PIGN: variants seen among roughly 807,000 people sequenced by gnomAD.
PIGN encodes the protein GPI ethanolamine phosphate transferase 1.
In PIGN, 117 loss-of-function variants were observed where a neutral mutation model predicts 125.4. The observed-to-expected ratio is 0.93, with a 90% confidence interval of 0.80 to 1.09. The LOEUF (loss-of-function observed/expected upper bound fraction) is 1.09. PIGN is among the 50% of genes least tolerant of loss of function. The pLI is 0.00. For missense variants in PIGN, 1,075 were observed against 1,094.9 expected (o/e 0.98, Z 0.26); for synonymous variants, 392 against 377.8 (o/e 1.04, Z -0.44).
At chr18:62,177,963 C>T (rs2037583866) in intron 1 of PIGN, among the ~76,000 whole-genome samples, 1 of 152,078 alleles carries the variant, frequency 6.6e-6, no homozygotes, top group South Asian at 2.1e-4. Flanking sequence ...ACAGATCTTC[C>T]AAAGGTAGAA....
chr18:62,114,636 C>T lies in PIGN; in HGVS notation c.1176G>A (p.Leu392=). 6.9e-7 allele frequency: 1 copy of T among 1,440,300 alleles called. No individual in the cohort carries two copies. Among genetic ancestry groups the T allele is most frequent in the Non-Finnish European group, 9.5e-7 (1 of 1,050,100 alleles). The allele number at this position is 1,440,300 out of a possible 1,614,324, so 89.2% of individuals were successfully genotyped here. The change falls in exon 15 of 31, where the codon CTG becomes CTA. Residue 392 remains leucine, a synonymous_variant. Transcript: ENST00000640252. The stretch of plus-strand genomic sequence containing the variant: ...TGTTGAACTGTTTGGAATCAGAAAG[C>T]AGTCTATATATAAAAAAAAGAATAG... The part of the protein sequence containing the change: ...TLPFLFTPFK[L]LSDSKQFNIL...
chr18:62,132,852 C>A (rs554875467), intron 14 of PIGN, among the ~76,000 whole-genome samples: 1 of 146,140 alleles, frequency 6.8e-6, no homozygotes, highest in South Asian at 2.1e-4. Context: ...CAAGAGCTAG[C>A]CTTATTTTTT....
Position 62,045,648 on chromosome 18 carries a change from T to C in PIGN, c.*208A>G. The stretch of plus-strand genomic sequence containing the variant: ...GCCTTCCTATGCTTTTCCACAGATA[T>C]AATCACTATTTCATGCCTGCAAAAC... On this transcript the variant is annotated 3_prime_UTR_variant, in exon 31 of 31. Coordinates refer to ENST00000640252, the MANE Select transcript of PIGN (RefSeq NM_176787.5). 2 of 452,196 alleles carry C rather than the reference T, an allele frequency of 4.4e-6. No homozygotes were observed. Among genetic ancestry groups the C allele is most frequent in the East Asian group, 3.8e-5 (1 of 26,634 alleles). 28.0% of individuals were successfully genotyped at this position (452,196 alleles called of 1,614,324 possible).
intron 2 of PIGN, 27 bp from the exon 3 acceptor site, chr18:62,162,356 T>G (rs2036984200): frequency 6.6e-6 from 1 of 151,838 alleles, no homozygotes; most frequent in South Asian, 2.1e-4. Context: ...AAAAAAAAAG[T>G]ATTGGAACTT....
At chr18:62,096,516 C>CT (rs398033140) in intron 22 of PIGN, among the ~76,000 whole-genome samples, 2,697 of 85,568 alleles carry the variant, frequency 0.032, 348 homozygotes, top group African/African-American at 0.084. Flanking sequence ...GAATTATTTT[C>CT]TTTTTTTTTT....
chr18:62,055,890 C>T (rs2031680554), intron 30 of PIGN, among the ~76,000 whole-genome samples: 1 of 151,376 alleles, frequency 6.6e-6, no homozygotes, highest in African/African-American at 2.4e-5. Context: ...TCTAACGTCT[C>T]ATGCAAGGTC....
Position 62,137,371 on chromosome 18 carries a change from G to A in PIGN, c.1172+872C>T, listed in dbSNP as rs188801822. The A allele has an allele frequency of 2.4e-4, 87 of 361,870 alleles. 1 individual carries two copies. The highest frequency in any genetic ancestry group is 1.4e-4 in the South Asian group (1 of 7,164). The allele number at this position is 361,870 out of a possible 1,614,324, so 22.4% of individuals were successfully genotyped here. Reference sequence around the variant, plus strand: ...CTTCTTTACTCCTCATATTGCAGACGGTCTATTCTGGGACGTCACCTTGTG... The same window carrying A: ...CTTCTTTACTCCTCATATTGCAGACAGTCTATTCTGGGACGTCACCTTGTG... On this transcript the variant is annotated intron_variant, in intron 14 of 30. Coordinates refer to ENST00000640252, the MANE Select transcript of PIGN (RefSeq NM_176787.5).
rs79696414 is a variant in PIGN at position 62,044,530 on chromosome 18, T to C, written c.*1326A>G. 48 of 152,352 alleles carry C rather than the reference T, an allele frequency of 3.2e-4. No homozygotes were observed. The East Asian group carries it at 7.7e-3, about 24-fold the overall frequency. The allele number at this position is 152,352 out of a possible 1,614,324, so 9.4% of individuals were successfully genotyped here. On this transcript the variant is annotated 3_prime_UTR_variant, in exon 31 of 31. Transcript: ENST00000640252. ...CTTTTTTATACTACAGTTCTTTCAC[T>C]GGTATACCATAAAGTAGTATTACAA...
At chr18:62,039,660 G>A (rs56137324), downstream of PIGN, among the ~76,000 whole-genome samples, 29,880 of 96,630 alleles carry the variant, frequency 0.31, 7,928 homozygotes, top group East Asian at 0.58. Flanking sequence ...TCAGGGTGCC[G>A]CACCCCATGT....
intron 10 of PIGN, among the ~76,000 whole-genome samples, chr18:62,144,771 AATGCATTTTGCCTCCTTTGCCAAAT>A (rs1382099613): frequency 6.6e-6 from 1 of 152,234 alleles, no homozygotes; most frequent in Non-Finnish European, 1.5e-5. Context: ...ATTTAAAACC[AATGCATTTTGCCTCCTTTGCCAAAT>A]ATCTTAATAA....
At chr18:62,058,850 C>T (rs1216897705) in intron 30 of PIGN, 1 of 152,030 alleles carries the variant, frequency 6.6e-6, no homozygotes, top group Non-Finnish European at 1.5e-5. Context: ...GTTTCTGAGG[C>T]CTCAGAAGAC....
At chr18:62,145,658 T>G (rs1383958976) in intron 10 of PIGN, among the ~76,000 whole-genome samples, 13 of 152,128 alleles carry the variant, frequency 8.5e-5, no homozygotes, top group Non-Finnish European at 1.8e-4. Flanking sequence ...ACATCAAAAG[T>G]TCAGTTTATC....
chr18:62,158,013 T>C (rs1247118828), intron 4 of PIGN: 3 of 489,914 alleles, frequency 6.1e-6, no homozygotes, highest in Non-Finnish European at 1.1e-5. Context: ...TTTGCTGATG[T>C]AAGACCAAAC....
intron 30 of PIGN, among the ~76,000 whole-genome samples, chr18:62,050,839 G>T (rs1599397692): frequency 6.6e-6 from 1 of 151,330 alleles, no homozygotes; most frequent in Admixed American, 6.6e-5. Context: ...CTGTGGGTTT[G>T]TCATAGATAG....
rs773257278 is a variant in PIGN at position 62,101,055 on chromosome 18, T to C, written c.2077+20A>G. ...TAAGTTGATGTCAAATTACCTCACC[T>C]GGTTTGAGTGGCCTCTTACCTAATG... On this transcript the variant is annotated intron_variant, in intron 22 of 30. Coordinates refer to ENST00000640252, the MANE Select transcript of PIGN (RefSeq NM_176787.5). 7 of 1,290,886 alleles carry C rather than the reference T, an allele frequency of 5.4e-6. No homozygotes were observed. The highest frequency in any genetic ancestry group is 2.9e-5 in the African/African-American group (2 of 69,152). 80.0% of individuals were successfully genotyped at this position (1,290,886 alleles called of 1,614,324 possible). A position where few individuals can be genotyped will look rare whatever the true frequency, so the allele number is the denominator to read the frequency against.
At chr18:62,026,866 G>A (rs867418125) in intron 23 of PIGN, among the ~76,000 whole-genome samples, 7 of 152,326 alleles carry the variant, frequency 4.6e-5, no homozygotes, top group African/African-American at 1.4e-4. Context: ...AATCAGTGTG[G>A]CCTGAGAAGG....
chr18:62,050,529 G>T (rs1468055007), intron 30 of PIGN, among the ~76,000 whole-genome samples: 1 of 151,128 alleles, frequency 6.6e-6, no homozygotes, highest in African/African-American at 2.4e-5. Context: ...AAGAATGCTT[G>T]TGATTTTTGT....
chr18:62,157,065 G>A (rs1414858738), intron 6 of PIGN, 64 bp downstream of exon 6: 3 of 672,818 alleles, frequency 4.5e-6, no homozygotes, highest in Non-Finnish European at 4.8e-6. Context: ...CATAAAAATA[G>A]AAAACTACCA....
intron 23 of PIGN, among the ~76,000 whole-genome samples, chr18:62,020,994 A>G (rs931978584): frequency 1.3e-5 from 2 of 151,824 alleles, no homozygotes; most frequent in Admixed American, 6.6e-5. Context: ...AAGACTGAGC[A>G]TATCAAGGGC....
Sources: allele counts gnomAD v4.1 joint callset (sites outside exome capture counted in the v4.1 genomes callset), GRCh38; gene constraint gnomAD v4.1.1; transcripts MANE v1.5; gene names NCBI Gene and HGNC (gene_info 2026-07-23, HGNC 2026-07-21).